The following SYT13 variants were observed in gnomAD, a reference collection of about 807,000 sequenced individuals.
SYT13 encodes synaptotagmin 13, also known as synaptotagmin-13.
Under a neutral mutation model 38.6 loss-of-function variants are expected in SYT13, and 21 were observed. The observed-to-expected ratio is 0.54, with a 90% CI of 0.39 to 0.78. The LOEUF (loss-of-function observed/expected upper bound fraction) is 0.78, where lower values mean the gene tolerates loss of function less well. SYT13 is among the 30% of genes least tolerant of loss of function. The probability of loss-of-function intolerance (pLI) is 0.00; values close to 1 mark genes in which losing one functional copy is unlikely to be tolerated. For synonymous variants in SYT13, 241 were observed against 237.6 expected, an observed-to-expected ratio of 1.01 and a Z score of -0.13; for missense variants, 495 against 548.7, an observed-to-expected ratio of 0.90 and a Z score of 0.98.
intron 1 of SYT13, among the ~76,000 whole-genome samples, chr11:45,262,109 A>G (rs531544291): frequency 6.6e-6 from 1 of 152,340 alleles, no homozygotes; most frequent in East Asian, 1.9e-4. Context: ...AATGTGGTAT[A>G]TCTATATAAC....
At chr11:45,275,428 G>A (rs2135908572) in intron 1 of SYT13, among the ~76,000 whole-genome samples, 1 of 152,184 alleles carries the variant, frequency 6.6e-6, no homozygotes, top group Non-Finnish European at 1.5e-5. Context: ...CTCATTATTT[G>A]ACTCTGATCT....
At chr11:45,281,946 T>TCTCC (rs1565399876) in intron 1 of SYT13, among the ~76,000 whole-genome samples, 1 of 152,152 alleles carries the variant, frequency 6.6e-6, no homozygotes, top group Non-Finnish European at 1.5e-5. Context: ...AAAGAGCAGT[T>TCTCC]CTCCTTTCTT....
chr11:45,256,671 C>T (rs1430311496), intron 1 of SYT13, among the ~76,000 whole-genome samples: 2 of 152,200 alleles, frequency 1.3e-5, no homozygotes, highest in Non-Finnish European at 2.9e-5. Context: ...AAGACTCTCC[C>T]ACTAGCATGT....
rs1392646898 is a variant in SYT13 at position 45,252,772 on chromosome 11, G to T, written c.545-50C>A. The T allele has an allele frequency of 8.6e-6, 13 of 1,518,152 alleles. No homozygotes were observed. The East Asian group carries it at 3.0e-4, about 35-fold the overall frequency. The allele number at this position is 1,518,152 out of a possible 1,614,324, so 94.0% of individuals were successfully genotyped here. ...GCGTGGGACTTTCTGAGGACAAGTG[G>T]AGGGGGCAGAAGCACGCCTTGCTTA... On this transcript the variant is annotated intron_variant, in intron 3 of 5. Coordinates refer to ENST00000020926, the MANE Select transcript of SYT13 (RefSeq NM_020826.3). The surrounding 1 kb of genome is among the most constrained non-coding windows in gnomAD (Gnocchi z 4.3).
chr11:45,282,782 T>C (rs540716716), intron 1 of SYT13, among the ~76,000 whole-genome samples: 38 of 152,316 alleles, frequency 2.5e-4, no homozygotes, highest in African/African-American at 8.9e-4. Flanking sequence ...GTCATTTTTT[T>C]CCTATCCAAG....
intron 1 of SYT13, among the ~76,000 whole-genome samples, chr11:45,281,392 G>A (rs112792151): frequency 0.032 from 4,945 of 152,158 alleles, 139 homozygotes; most frequent in African/African-American, 0.077. Context: ...GGGGCCAGAC[G>A]CAGTGGCTCA....
chr11:45,246,245 G>T, intron 5 of SYT13, 138 bp downstream of exon 5: 2 of 1,253,624 alleles, frequency 1.6e-6, no homozygotes, highest in East Asian at 5.0e-5. Flanking sequence ...GAAGAACACC[G>T]CTGAGCATGG....
At chr11:45,247,963 C>A (rs1340258496) in intron 4 of SYT13, among the ~76,000 whole-genome samples, 1 of 152,178 alleles carries the variant, frequency 6.6e-6, no homozygotes, top group African/African-American at 2.4e-5. Flanking sequence ...ATTCTAATGA[C>A]AACAGTCAAA....
chr11:45,258,218 A>AAG (rs1854772157), intron 1 of SYT13, among the ~76,000 whole-genome samples: 5 of 152,212 alleles, frequency 3.3e-5, no homozygotes, highest in Admixed American at 6.5e-5. Flanking sequence ...ATCTTTCCCC[A>AAG]GCACAGCAGT....
At chr11:45,267,333 C>G (rs574481947) in intron 1 of SYT13, among the ~76,000 whole-genome samples, 1 of 152,370 alleles carries the variant, frequency 6.6e-6, no homozygotes, top group African/African-American at 2.4e-5. Flanking sequence ...ATGCCCAGGA[C>G]GCTGCCTGGT....
intron 1 of SYT13, among the ~76,000 whole-genome samples, chr11:45,268,697 G>T (rs1482254813): frequency 6.6e-6 from 1 of 152,146 alleles, no homozygotes; most frequent in African/African-American, 2.4e-5. Context: ...GAGCCCACAG[G>T]CTTTCCAGCT....
At chr11:45,285,887 C>T in intron 1 of SYT13, 138 bp downstream of exon 1, 1 of 1,003,068 alleles carries the variant, frequency 1.0e-6, no homozygotes, top group Non-Finnish European at 1.4e-6. Context: ...GACCTGTCCT[C>T]CAACGCGTCT....
At chr11:45,264,790 T>G (rs1384951344) in intron 1 of SYT13, among the ~76,000 whole-genome samples, 1 of 152,146 alleles carries the variant, frequency 6.6e-6, no homozygotes, top group Non-Finnish European at 1.5e-5. Flanking sequence ...AAAAAAAATG[T>G]AGACACCACT....
At chr11:45,278,938 C>T (rs535865473) in intron 1 of SYT13, among the ~76,000 whole-genome samples, 2 of 152,336 alleles carry the variant, frequency 1.3e-5, no homozygotes, top group African/African-American at 4.8e-5. Flanking sequence ...TGTAAAATTT[C>T]TGTGGAGGGC....
chr11:45,245,001 G>A (rs1180708679), intron 5 of SYT13, among the ~76,000 whole-genome samples: 8 of 152,214 alleles, frequency 5.3e-5, no homozygotes, highest in African/African-American at 1.9e-4. Context: ...TCATCCCCTT[G>A]ATTCTTGGTG....
chr11:45,251,076 A>G (rs963845144), intron 4 of SYT13, among the ~76,000 whole-genome samples: 10 of 151,980 alleles, frequency 6.6e-5, no homozygotes, highest in Non-Finnish European at 1.5e-4. Flanking sequence ...AAGCATAGTA[A>G]CTGATGGTGA....
chr11:45,263,483 A>T (rs773014900), intron 1 of SYT13, among the ~76,000 whole-genome samples: 4 of 152,186 alleles, frequency 2.6e-5, no homozygotes, highest in Non-Finnish European at 5.9e-5. Context: ...GGGGAAGCAG[A>T]TCCAGCTGAA....
intron 4 of SYT13, among the ~76,000 whole-genome samples, chr11:45,247,928 T>C (rs1854632876): frequency 6.6e-6 from 1 of 152,210 alleles, no homozygotes. Context: ...ATATAGCAAG[T>C]TCTTAGTAAA....
intron 1 of SYT13, among the ~76,000 whole-genome samples, chr11:45,266,607 C>T (rs1854884907): frequency 1.3e-5 from 2 of 151,800 alleles, no homozygotes; most frequent in South Asian, 2.1e-4. Flanking sequence ...GAGAGAGATC[C>T]TCATTTTGCT....
Sources: allele counts gnomAD v4.1 joint callset (sites outside exome capture counted in the v4.1 genomes callset), GRCh38; gene constraint gnomAD v4.1.1; non-coding constraint Gnocchi (gnomAD v3.1); transcripts MANE v1.5; gene names NCBI Gene and HGNC (gene_info 2026-07-23, HGNC 2026-07-21).